EYA2: variants seen among roughly 807,000 people sequenced by gnomAD.
EYA2 encodes the protein EYA transcriptional coactivator and phosphatase 2, also known as protein phosphatase EYA2.
EYA2 carries 31 observed loss-of-function variants against 69.2 expected under a neutral mutation model. That is an observed-to-expected ratio of 0.45 (90% confidence interval 0.34 to 0.60). EYA2 has a LOEUF of 0.60. Among genes scored for constraint, EYA2 ranks in the 20% least tolerant of loss-of-function variants. The probability of loss-of-function intolerance (pLI) is 0.02; values close to 1 mark genes in which losing one functional copy is unlikely to be tolerated. For missense variants in EYA2, 622 were observed against 701.2 expected (o/e 0.89, Z 1.28); for synonymous variants, 257 against 279.4 (o/e 0.92, Z 0.80).
At chr20:47,086,861 T>C (rs1230505839) in intron 7 of EYA2, among the ~76,000 whole-genome samples, 1 of 152,102 alleles carries the variant, frequency 6.6e-6, no homozygotes, top group African/African-American at 2.4e-5. Context: ...GACCTTATTT[T>C]AGACATTTCT....
intron 5 of EYA2, among the ~76,000 whole-genome samples, chr20:47,028,551 C>T (rs972274233): frequency 2.0e-5 from 3 of 152,242 alleles, no homozygotes; most frequent in African/African-American, 7.2e-5. Context: ...AAGGGAGCAT[C>T]TCCTCTGTGC....
chr20:46,972,116 G>A (rs920849094), intron 1 of EYA2, among the ~76,000 whole-genome samples: 9 of 152,324 alleles, frequency 5.9e-5, no homozygotes, highest in Admixed American at 3.3e-4. Context: ...AGGAGGTGAC[G>A]TTTGAGAAAA....
chr20:46,987,916 G>GACACTCTCTCTCTCTCTCTCTCTCTCTC, intron 1 of EYA2, among the ~76,000 whole-genome samples: 1 of 20,376 alleles, frequency 4.9e-5, no homozygotes, highest in East Asian at 1.7e-3. Flanking sequence ...GACAGAGTAA[G>GACACTCTCTCTCTCTCTCTCTCTCTCTC]TCTCTCTCTC....
At chr20:47,079,256 A>C (rs2031631989) in intron 7 of EYA2, among the ~76,000 whole-genome samples, 1 of 152,226 alleles carries the variant, frequency 6.6e-6, no homozygotes, top group South Asian at 2.1e-4. Flanking sequence ...AATTATTATG[A>C]CCTTTGTGTC....
intron 2 of EYA2, among the ~76,000 whole-genome samples, chr20:46,998,836 G>A (rs544052338): frequency 6.6e-6 from 1 of 152,316 alleles, no homozygotes; most frequent in South Asian, 2.1e-4. Context: ...ACAGAAAAAA[G>A]CCTGTGTTTT....
rs111445067 is a variant in EYA2, at chr20:47,100,093, T to A, written c.888+2925T>A. On this transcript the variant is annotated intron_variant, in intron 9 of 15. Transcript: ENST00000327619. ...GGAACAGTGTCTCCCACTTAGTAGG[T>A]GTCAAGTAAATATTTGTTAAATGAA... 4.2e-3 allele frequency among the ~76,000 whole-genome samples: 643 copies of A among 152,238 alleles called. 6 individuals are homozygous for A. The highest frequency in any genetic ancestry group is 0.015 in the African/African-American group (620 of 41,534).
At chr20:46,927,020 G>A (rs1293140179) in intron 1 of EYA2, among the ~76,000 whole-genome samples, 3 of 152,208 alleles carry the variant, frequency 2.0e-5, no homozygotes, top group Admixed American at 2.0e-4. Context: ...GGCATGGGGT[G>A]CTGTGTCATG....
At chr20:47,083,430 T>A (rs1424899484) in intron 7 of EYA2, among the ~76,000 whole-genome samples, 3 of 151,524 alleles carry the variant, frequency 2.0e-5, no homozygotes, top group African/African-American at 7.3e-5. Context: ...TACAAAAAAA[T>A]AGCCAGGCTT....
chr20:47,057,170 G>GA (rs1430152455), intron 5 of EYA2, among the ~76,000 whole-genome samples: 2 of 150,280 alleles, frequency 1.3e-5, no homozygotes, highest in African/African-American at 4.9e-5. Flanking sequence ...AGGAAGGAAG[G>GA]AAGGAAGGAA....
chr20:47,159,640 G>A (rs1371999143), intron 10 of EYA2, among the ~76,000 whole-genome samples: 1 of 152,040 alleles, frequency 6.6e-6, no homozygotes, highest in Non-Finnish European at 1.5e-5. Context: ...AGGAGAAAGT[G>A]GGTGTGGGGT....
chr20:47,073,494 T>TG (rs71183228), intron 6 of EYA2, among the ~76,000 whole-genome samples: 11,127 of 121,430 alleles, frequency 0.092, 567 homozygotes, highest in Non-Finnish European at 0.13. Flanking sequence ...GTGTGTGTCG[T>TG]GGGGGGGGGG....
At chr20:46,933,866 TAG>T in intron 1 of EYA2, among the ~76,000 whole-genome samples, 2 of 152,370 alleles carry the variant, frequency 1.3e-5, no homozygotes, top group Middle Eastern at 6.8e-3. Context: ...TGTGCTCACC[TAG>T]AACAGTGCCT....
chr20:47,010,789 AT>A (rs10608509), intron 4 of EYA2, among the ~76,000 whole-genome samples: 8,341 of 138,510 alleles, frequency 0.06, 658 homozygotes, highest in African/African-American at 0.2. Context: ...AATTGAGTTG[AT>A]TTTTTTTTTT....
At chr20:47,127,781 A>G (rs992257759) in intron 9 of EYA2, among the ~76,000 whole-genome samples, 1 of 152,158 alleles carries the variant, frequency 6.6e-6, no homozygotes, top group Non-Finnish European at 1.5e-5. Flanking sequence ...CCAATGCTTA[A>G]GATGTCAGAA....
intron 1 of EYA2, among the ~76,000 whole-genome samples, chr20:46,959,922 A>G (rs147554161): frequency 2.1e-3 from 319 of 152,296 alleles, no homozygotes; most frequent in African/African-American, 7.1e-3. Flanking sequence ...AAGCAGAGAC[A>G]TGCCGTGGGG....
chr20:47,097,811 G>T (rs1006092819), intron 9 of EYA2, among the ~76,000 whole-genome samples: 9 of 152,160 alleles, frequency 5.9e-5, no homozygotes, highest in Non-Finnish European at 2.9e-5. Flanking sequence ...CATCCCATGG[G>T]CTACTGAACA....
chr20:47,061,131 G>A (rs927028748), intron 5 of EYA2, among the ~76,000 whole-genome samples: 2 of 152,102 alleles, frequency 1.3e-5, no homozygotes, highest in African/African-American at 4.8e-5. Flanking sequence ...TGGGATTACA[G>A]ACATGAGCCA....
chr20:47,018,863 C>T (rs1983575432), intron 5 of EYA2, among the ~76,000 whole-genome samples: 1 of 152,150 alleles, frequency 6.6e-6, no homozygotes, highest in Admixed American at 6.5e-5. Context: ...ATTCAGACTC[C>T]AGTTTCTCTG....
intron 5 of EYA2, among the ~76,000 whole-genome samples, chr20:47,054,447 C>G (rs191463222): frequency 6.6e-6 from 1 of 152,174 alleles, no homozygotes; most frequent in Non-Finnish European, 1.5e-5. Context: ...TTCACTGATT[C>G]CGTTCAGCAG....
Sources: gnomAD v4.1 joint callset for allele counts (sites outside exome capture counted in the v4.1 genomes callset) on GRCh38, gnomAD v4.1.1 for gene constraint, MANE v1.5 for transcripts, NCBI Gene and HGNC (gene_info 2026-07-23, HGNC 2026-07-21) for gene names.